Variants in LMX1A observed in about 807,000 individuals in gnomAD.
LMX1A encodes LIM homeobox transcription factor 1-alpha.
Under a neutral mutation model 49.1 loss-of-function variants are expected in LMX1A, and 15 were observed. The ratio of observed to expected loss-of-function variants is 0.31; its 90% CI spans 0.20 to 0.47. LMX1A has a LOEUF of 0.47. LMX1A is among the 20% of genes least tolerant of loss of function. LMX1A has a pLI of 1.00. For synonymous variants in LMX1A, 167 were observed against 185.7 expected (o/e 0.90, Z 0.82); for missense variants, 372 against 475.8 (o/e 0.78, Z 2.03).
rs1016542315 is a variant in LMX1A at position 165,202,170 on chromosome 1, A to G, written c.*1710T>C. 5.9e-5 allele frequency: 9 copies of G among 152,438 alleles called. No individual in the cohort carries two copies. Among genetic ancestry groups the G allele is most frequent in the Non-Finnish European group, 8.8e-5 (6 of 68,002 alleles). The allele number at this position is 152,438 out of a possible 1,614,324, so 9.4% of individuals were successfully genotyped here. A position where few individuals can be genotyped will look rare whatever the true frequency, so the allele number is the denominator to read the frequency against. ...ACGTGTCTCTGTGTTCAAGTCTCCA[A>G]TGATGTCCCCAGAAATGAGGCCAAG... On this transcript the variant is annotated 3_prime_UTR_variant, in exon 9 of 9. Transcript: ENST00000342310.
At chr1:165,354,516 A>G (rs1656539600) in intron 2 of LMX1A, among the ~76,000 whole-genome samples, 1 of 152,086 alleles carries the variant, frequency 6.6e-6, no homozygotes, top group African/African-American at 2.4e-5. Flanking sequence ...GAGGCTGGGC[A>G]AGTCCAAAAG....
intron 3 of LMX1A, among the ~76,000 whole-genome samples, chr1:165,278,867 C>T (rs570925469): frequency 7.4e-4 from 113 of 152,256 alleles, no homozygotes; most frequent in African/African-American, 2.5e-3. Context: ...TGCTGAGGTC[C>T]CAGAAGGCTG....
At chr1:165,317,898 G>T (rs1224898879) in intron 3 of LMX1A, among the ~76,000 whole-genome samples, 2 of 152,196 alleles carry the variant, frequency 1.3e-5, no homozygotes, top group African/African-American at 4.8e-5. Context: ...ATTAATAGTT[G>T]CCACAAAAGC....
chr1:165,260,263 C>T (rs1317670458), intron 3 of LMX1A, among the ~76,000 whole-genome samples: 1 of 152,098 alleles, frequency 6.6e-6, no homozygotes, highest in Non-Finnish European at 1.5e-5. Flanking sequence ...TATTGTTCCA[C>T]AATTTTTGGC....
intron 4 of LMX1A, among the ~76,000 whole-genome samples, chr1:165,214,159 G>A (rs914291286): frequency 5.3e-5 from 8 of 152,288 alleles, no homozygotes; most frequent in South Asian, 2.1e-4. Flanking sequence ...CATGGTGGGA[G>A]GTGACTGGAT....
At chr1:165,271,857 G>A (rs1310680280) in intron 3 of LMX1A, among the ~76,000 whole-genome samples, 1 of 152,144 alleles carries the variant, frequency 6.6e-6, no homozygotes, top group East Asian at 1.9e-4. Context: ...GGCAGAATAA[G>A]ACTGTCTATA....
chr1:165,263,990 A>T (rs1460786536), intron 3 of LMX1A, among the ~76,000 whole-genome samples: 1 of 152,190 alleles, frequency 6.6e-6, no homozygotes, highest in African/African-American at 2.4e-5. Context: ...AATTATATTG[A>T]AATATTTTAC....
chr1:165,333,556 C>T (rs906829931), intron 3 of LMX1A, among the ~76,000 whole-genome samples: 1 of 152,142 alleles, frequency 6.6e-6, no homozygotes, highest in African/African-American at 2.4e-5. Flanking sequence ...CATCAATCTC[C>T]CACTTTTAAA....
chr1:165,348,272 A>T (rs1656308639), intron 3 of LMX1A, among the ~76,000 whole-genome samples: 2 of 152,212 alleles, frequency 1.3e-5, no homozygotes, highest in Admixed American at 1.3e-4. Context: ...TAATTCCCAG[A>T]ATACTATTAA....
intron 3 of LMX1A, among the ~76,000 whole-genome samples, chr1:165,278,455 A>C (rs1654039021): frequency 6.6e-6 from 1 of 152,138 alleles, no homozygotes; most frequent in African/African-American, 2.4e-5. Context: ...CCTCTTTCTC[A>C]CATTCTCTTA....
chr1:165,235,289 C>G lies in LMX1A; in HGVS notation c.496+14119G>C, dbSNP rs540271220. 2.0e-3 allele frequency among the ~76,000 whole-genome samples: 307 copies of G among 152,300 alleles called. 4 individuals carry two copies. The highest frequency in any genetic ancestry group is 7.2e-3 in the African/African-American group (298 of 41,568). Reference sequence around the variant, plus strand: ...GCGACGGTGTCCGTGCGTTTCTTCACTAGTGCATGTGCGAGGAGGGCTGGA... The same window carrying G: ...GCGACGGTGTCCGTGCGTTTCTTCAGTAGTGCATGTGCGAGGAGGGCTGGA... On this transcript the variant is annotated intron_variant, in intron 4 of 8. Coordinates refer to ENST00000342310, the MANE Select transcript of LMX1A (RefSeq NM_177398.4).
At chr1:165,236,848 C>CA (rs1652465402) in intron 4 of LMX1A, among the ~76,000 whole-genome samples, 1 of 46,146 alleles carries the variant, frequency 2.2e-5, no homozygotes, top group Non-Finnish European at 3.6e-5. Context: ...CACAGGAGTT[C>CA]AAAGTTTTTT....
chr1:165,353,849 G>A (rs1160830817), intron 2 of LMX1A, among the ~76,000 whole-genome samples: 1 of 152,150 alleles, frequency 6.6e-6, no homozygotes, highest in Non-Finnish European at 1.5e-5. Context: ...GTCTTGACTG[G>A]CATGCATATT....
intron 4 of LMX1A, among the ~76,000 whole-genome samples, chr1:165,217,383 C>G (rs189414573): frequency 9.1e-4 from 139 of 152,276 alleles, no homozygotes; most frequent in African/African-American, 3.2e-3. Flanking sequence ...CGTGAACCAA[C>G]AAAGAGAGGG....
intron 4 of LMX1A, among the ~76,000 whole-genome samples, chr1:165,244,268 T>C (rs1456149044): frequency 6.6e-6 from 1 of 152,182 alleles, no homozygotes. Context: ...TAAAATATGC[T>C]TTGTGGTAAA....
intron 3 of LMX1A, among the ~76,000 whole-genome samples, chr1:165,349,964 A>C (rs1020129066): frequency 6.6e-6 from 1 of 152,192 alleles, no homozygotes; most frequent in African/African-American, 2.4e-5. Context: ...ATTGACACTG[A>C]AAACTGTGCA....
chr1:165,208,031 C>G, intron 7 of LMX1A, 32 bp downstream of exon 7: 1 of 1,598,536 alleles, frequency 6.3e-7, no homozygotes, highest in Non-Finnish European at 8.6e-7. Flanking sequence ...TGGATTCCAG[C>G]CAGAACTGCC....
chr1:165,295,919 T>C (rs1654602368), intron 3 of LMX1A, among the ~76,000 whole-genome samples: 1 of 152,206 alleles, frequency 6.6e-6, no homozygotes, highest in African/African-American at 2.4e-5. Context: ...GGTGCCATCC[T>C]GGACTACAGG....
At chr1:165,223,357 C>T (rs1036299537) in intron 4 of LMX1A, among the ~76,000 whole-genome samples, 4 of 152,182 alleles carry the variant, frequency 2.6e-5, no homozygotes, top group African/African-American at 9.7e-5. Context: ...ACTCAAACTC[C>T]TCATATGGAA....
Sources: gnomAD v4.1 joint callset for allele counts (sites outside exome capture counted in the v4.1 genomes callset) on GRCh38, gnomAD v4.1.1 for gene constraint, MANE v1.5 for transcripts, NCBI Gene and HGNC (gene_info 2026-07-23, HGNC 2026-07-21) for gene names.